CCKAR: variants seen among roughly 807,000 people sequenced by gnomAD.
The protein encoded by CCKAR is cholecystokinin A receptor, also known as cholecystokinin receptor type A.
Under a neutral mutation model 29.8 loss-of-function variants are expected in CCKAR, and 21 were observed. The ratio of observed to expected loss-of-function variants is 0.70; its 90% CI spans 0.50 to 1.01. The LOEUF is 1.01. CCKAR is among the 50% of genes least tolerant of loss of function. CCKAR has a pLI of 0.00. For synonymous variants in CCKAR, 238 were observed against 221.3 expected (o/e 1.08, Z -0.67); for missense variants, 570 against 560.6 (o/e 1.02, Z -0.17).
intron 2 of CCKAR, among the ~76,000 whole-genome samples, chr4:26,487,474 C>G (rs1409687002): frequency 1.3e-5 from 2 of 152,096 alleles, no homozygotes; most frequent in African/African-American, 4.8e-5. Flanking sequence ...TCATCAATAA[C>G]TATAAACTCA....
rs775816912 is a variant in CCKAR, at chr4:26,482,017, G to T, written c.908C>A (p.Ala303Asp). 1.2e-6 allele frequency: 2 copies of T among 1,614,264 alleles called. No homozygotes were observed. Among genetic ancestry groups the T allele is most frequent in the East Asian group, 4.5e-5 (2 of 44,882 alleles). ...ANRIRSNSSA[A>D]NLMAKKRVIR... ...CACCCTTTTCTTGGCCATCAGGTTG[G>T]CTGCGGAGCTGTTACTCCGGATGCG... Residue 303 changes from alanine to aspartate, a missense_variant, in exon 5 of 5, where the codon GCC becomes GAC. Ala to Asp is a moderately radical substitution (Grantham distance 126). Transcript: ENST00000295589.
rs752299651 is a variant in CCKAR, at chr4:26,485,626, T to C, written c.626+11A>G. On this transcript the variant is annotated intron_variant, in intron 3 of 4. Transcript: ENST00000295589. ...AAGCTGTATTTTTAAAAATAAACAATGCAACCTTACCAGGACTGCTGCATA... is the reference window on the plus strand; with the variant it reads ...AAGCTGTATTTTTAAAAATAAACAACGCAACCTTACCAGGACTGCTGCATA... 9 of 1,612,076 alleles carry C rather than the reference T, an allele frequency of 5.6e-6. No homozygotes were observed. The Admixed American group carries it at 8.3e-5, about 15-fold the overall frequency.
intron 1 of CCKAR, 66 bp from the exon 2 acceptor site, chr4:26,489,550 G>T: frequency 6.3e-7 from 1 of 1,575,326 alleles, no homozygotes. Context: ...TAAAACCGAA[G>T]CCAAGGGTGA....
rs567698855 is a variant in CCKAR, at chr4:26,487,273, T to C, written c.365-1375A>G. On this transcript the variant is annotated intron_variant, in intron 2 of 4. Transcript: ENST00000295589. ...GAAACTATATCCAAAAATGTCATTT[T>C]TCTAGGGAGCCTAGCTCTAGCTTTC... 2.0e-5 allele frequency among the ~76,000 whole-genome samples: 3 copies of C among 152,334 alleles called. No homozygotes were observed. The East Asian group carries it at 5.8e-4, about 29-fold the overall frequency.
rs1737384500 is a variant in CCKAR, at chr4:26,483,145, A to G, written c.754+11T>C. The G allele has an allele frequency of 6.2e-7, 1 of 1,613,118 alleles. No homozygotes were observed. Among genetic ancestry groups the G allele is most frequent in the Non-Finnish European group, 8.5e-7 (1 of 1,179,698 alleles). On this transcript the variant is annotated intron_variant, in intron 4 of 4. Coordinates refer to ENST00000295589, the MANE Select transcript of CCKAR (RefSeq NM_000730.3). ...TCATTTGGCATAAACACACAGCTAC[A>G]AGATAGTTACCTTTAGCAGACTTCT... is the stretch of plus-strand genomic sequence containing the variant.
In CCKAR at chr4:26,483,269, A is replaced by G. The variant is rs766373873; in HGVS notation, c.641T>C (p.Leu214Ser). 9 of 1,613,614 alleles carry G rather than the reference A, an allele frequency of 5.6e-6. No homozygotes were observed. The highest frequency in any genetic ancestry group is 1.3e-5 in the African/African-American group (1 of 74,934). The stretch of plus-strand genomic sequence containing the variant: ...TCCAGGAATAAGAAAGAGGATGAGT[A>G]ACAGGAATGTGTGCCTAATGAAATC... The part of the protein sequence containing the change: ...VMQQSWHTFL[L>S]LILFLIPGIV... Residue 214 changes from leucine to serine, a missense_variant, in exon 4 of 5, where the codon TTA becomes TCA. Coordinates refer to ENST00000295589, the MANE Select transcript of CCKAR (RefSeq NM_000730.3).
At chr4:26,487,432 AAAATCTCT>A (rs1737471218) in intron 2 of CCKAR, among the ~76,000 whole-genome samples, 1 of 152,198 alleles carries the variant, frequency 6.6e-6, no homozygotes, top group Non-Finnish European at 1.5e-5. Flanking sequence ...GTACGGCCCA[AAAATCTCT>A]AAGACTCAGT....
intron 3 of CCKAR, among the ~76,000 whole-genome samples, chr4:26,484,463 T>C (rs1737408276): frequency 6.6e-6 from 1 of 152,174 alleles, no homozygotes; most frequent in Non-Finnish European, 1.5e-5. Context: ...GCCTTTTTTA[T>C]AATGACATTT....
intron 3 of CCKAR, among the ~76,000 whole-genome samples, chr4:26,484,679 C>T (rs536524747): frequency 1.3e-5 from 2 of 152,136 alleles, no homozygotes; most frequent in South Asian, 4.2e-4. Flanking sequence ...GGGTAAGTAC[C>T]GGAGCTGCTG....
rs769100412 is a variant in CCKAR, at chr4:26,482,094, C to A, written c.831G>T (p.Pro277=). The change falls in exon 5 of 5, where the codon CCG becomes CCT. Residue 277 remains proline, a synonymous_variant. Coordinates refer to ENST00000295589, the MANE Select transcript of CCKAR (RefSeq NM_000730.3). The part of the protein sequence containing the change: ...DGCYLQKTRP[P]RKLELRQLST... ...ACAGCTGCCGGAGCTCCAGCTTCCT[C>A]GGGGGCCTGGTCTTTTGCAGGTAAC... The A allele has an allele frequency of 3.7e-6, 6 of 1,614,076 alleles. No individual in the cohort carries two copies. The Admixed American group carries it at 6.7e-5, about 18-fold the overall frequency.
In CCKAR at chr4:26,483,190, T is replaced by G. The variant is rs1415833992; in HGVS notation, c.720A>C (p.Ile240=). Residue 240 remains isoleucine, a synonymous_variant, in exon 4 of 5, where the codon ATA becomes ATC. Transcript: ENST00000295589. ...ACTTCTTCTGGCTAGCCTCAAATTT[T>G]ATTCCCTGGTAGAGTTCCAAAGAGA... ...GLISLELYQG[I]KFEASQKKSA... is the part of the protein sequence containing the mutation. 6.2e-7 allele frequency: 1 copy of G among 1,613,846 alleles called. No homozygotes were observed. The highest frequency in any genetic ancestry group is 1.1e-5 in the South Asian group (1 of 91,030).
chr4:26,485,464 C>T (rs188806551), intron 3 of CCKAR, among the ~76,000 whole-genome samples, 173 bp downstream of exon 3: 4 of 152,210 alleles, frequency 2.6e-5, no homozygotes, highest in Admixed American at 2.0e-4. Flanking sequence ...AAACAGAGCT[C>T]GCCAGCTAAG....
Position 26,481,546 on chromosome 4 carries a change from G to C in CCKAR, c.*92C>G, listed in dbSNP as rs201192381. The stretch of plus-strand genomic sequence containing the variant: ...GAGATGGAGCCTTCCTTCTCCATCA[G>C]CTCTGCTCCTTCTCTTCCTGATCTC... On this transcript the variant is annotated 3_prime_UTR_variant, in exon 5 of 5. Coordinates refer to ENST00000295589, the MANE Select transcript of CCKAR (RefSeq NM_000730.3). The C allele has an allele frequency of 5.8e-4, 805 of 1,382,984 alleles. 1 individual carries two copies. Among genetic ancestry groups the C allele is most frequent in the Non-Finnish European group, 7.3e-4 (715 of 981,014 alleles). The allele number at this position is 1,382,984 out of a possible 1,614,324, so 85.7% of individuals were successfully genotyped here. A position where few individuals can be genotyped will look rare whatever the true frequency, so the allele number is the denominator to read the frequency against.
intron 3 of CCKAR, among the ~76,000 whole-genome samples, chr4:26,484,618 C>T (rs1393284897): frequency 6.6e-6 from 1 of 152,136 alleles, no homozygotes; most frequent in Non-Finnish European, 1.5e-5. Context: ...AGTTAGTAAG[C>T]AAAGGAACCA....
intron 2 of CCKAR, among the ~76,000 whole-genome samples, chr4:26,488,035 G>T (rs536187192): frequency 6.6e-6 from 1 of 151,662 alleles, no homozygotes; most frequent in South Asian, 2.1e-4. Context: ...TTCCTCAACT[G>T]GGAAAAATGA....
At position 26,483,136 on chromosome 4, in the gene CCKAR, C is replaced by T; in HGVS notation, c.754+20G>A. On this transcript the variant is annotated intron_variant, in intron 4 of 4. Coordinates refer to ENST00000295589, the MANE Select transcript of CCKAR (RefSeq NM_000730.3). The stretch of plus-strand genomic sequence containing the variant: ...CTTTTGTGCTCATTTGGCATAAACA[C>T]ACAGCTACAAGATAGTTACCTTTAG... 6.2e-7 allele frequency: 1 copy of T among 1,610,622 alleles called. No individual in the cohort carries two copies. The highest frequency in any genetic ancestry group is 8.5e-7 in the Non-Finnish European group (1 of 1,178,812).
chr4:26,485,097 G>A (rs1424864972), intron 3 of CCKAR, among the ~76,000 whole-genome samples: 1 of 151,392 alleles, frequency 6.6e-6, no homozygotes. Flanking sequence ...AGGAGGCTGA[G>A]GCAGGAGAAT....
At chr4:26,489,168 G>A (rs1354340169) in intron 2 of CCKAR, 65 bp downstream of exon 2, 2 of 1,594,128 alleles carry the variant, frequency 1.3e-6, no homozygotes, top group African/African-American at 2.7e-5. Flanking sequence ...TCAGAGGTTT[G>A]GGAAGGTCTG....
rs1284955474 is a variant in CCKAR, at chr4:26,481,739, C to A, written c.1186G>T (p.Ala396Ser). The A allele has an allele frequency of 6.2e-7, 1 of 1,614,050 alleles. No homozygotes were observed. Among genetic ancestry groups the A allele is most frequent in the African/African-American group, 1.3e-5 (1 of 74,938 alleles). ...PCCPNPGPPG[A>S]RGEVGEEEEG... is the part of the protein sequence containing the mutation. ...TCCTCCTCCCCCACCTCTCCCCTCGCCCCTGGGGGACCAGGATTGGGGCAG... is the reference window on the plus strand; with the variant it reads ...TCCTCCTCCCCCACCTCTCCCCTCGACCCTGGGGGACCAGGATTGGGGCAG... The change falls in exon 5 of 5, where the codon GCG becomes TCG. Residue 396 changes from alanine to serine, a missense_variant. Ala to Ser is a moderately conservative substitution (Grantham distance 99). Transcript: ENST00000295589.
Sources: allele counts gnomAD v4.1 joint callset (sites outside exome capture counted in the v4.1 genomes callset), GRCh38; gene constraint gnomAD v4.1.1; transcripts MANE v1.5; gene names NCBI Gene and HGNC (gene_info 2026-07-23, HGNC 2026-07-21).